MRTFB: variants seen among roughly 807,000 people sequenced by gnomAD.
The protein encoded by MRTFB is myocardin-related transcription factor B.
MRTFB carries 29 observed loss-of-function variants against 104.2 expected under a neutral mutation model. The observed-to-expected ratio is 0.28, with a 90% CI of 0.21 to 0.38. The LOEUF is 0.38. Ranked by LOEUF, MRTFB falls within the 10% of genes least tolerant of loss-of-function variation. The pLI is 1.00. For missense variants in MRTFB, 1,270 were observed against 1,341.6 expected, an observed-to-expected ratio of 0.95 and a Z score of 0.83; for synonymous variants, 535 against 519.5, an observed-to-expected ratio of 1.03 and a Z score of -0.41.
chr16:14,240,708 A>T lies in MRTFB; in HGVS notation c.1079+224A>T, dbSNP rs201821564. Reference sequence around the variant, plus strand: ...CCAAAATAGGTTCTGAATTTTTACAAGTTAGAAATGCCTTTTCACAATTAT... The same window carrying T: ...CCAAAATAGGTTCTGAATTTTTACATGTTAGAAATGCCTTTTCACAATTAT... On this transcript the variant is annotated intron_variant, in intron 10 of 16. Transcript: ENST00000571589. The T allele has an allele frequency of 1.2e-4, 99 of 827,458 alleles. 1 individual carries two copies. Among genetic ancestry groups the T allele is most frequent in the Middle Eastern group, 1.1e-3 (5 of 4,562 alleles). The allele number at this position is 827,458 out of a possible 1,614,324, so 51.3% of individuals were successfully genotyped here. A position where few individuals can be genotyped will look rare whatever the true frequency, so the allele number is the denominator to read the frequency against.
At chr16:14,023,160 T>C in the MRTFB span, among the ~76,000 whole-genome samples, 1 of 152,112 alleles carries the variant, frequency 6.6e-6, no homozygotes, top group Non-Finnish European at 1.5e-5. Context: ...GCTCCAGGAC[T>C]GGGGACAGTG....
chr16:14,167,476 GTTTA>G (rs1365331140), intron 3 of MRTFB, among the ~76,000 whole-genome samples: 1 of 151,866 alleles, frequency 6.6e-6, no homozygotes, highest in African/African-American at 2.4e-5. Flanking sequence ...TCTGATGATA[GTTTA>G]TTTAGTTTAT....
intron 3 of MRTFB, among the ~76,000 whole-genome samples, chr16:14,193,440 C>T (rs1297425935): frequency 6.6e-6 from 1 of 152,140 alleles, no homozygotes; most frequent in East Asian, 1.9e-4. Flanking sequence ...GGCCTGAGCA[C>T]CTGCAGCTCA....
At position 14,127,016 on chromosome 16, in the gene MRTFB, A is replaced by G. The variant is rs905354224; in HGVS notation, c.-63-13528A>G. On this transcript the variant is annotated intron_variant, in intron 2 of 16. Transcript: ENST00000571589. ...ACATATAGTATCTCACTTCATTTGC[A>G]CTCTGCAAGGGATATATTATTTATA... Among the ~76,000 whole-genome samples the G allele has an allele frequency of 3.3e-5, 5 of 152,248 alleles. No homozygotes were observed. The South Asian group carries it at 1.0e-3, about 32-fold the overall frequency.
chr16:14,147,111 C>G (rs1444426076), intron 3 of MRTFB, among the ~76,000 whole-genome samples: 1 of 152,164 alleles, frequency 6.6e-6, no homozygotes, highest in Non-Finnish European at 1.5e-5. Flanking sequence ...TCAAGGACAT[C>G]AATAAACATT....
At chr16:14,085,598 G>A (rs1208397092) in intron 2 of MRTFB, among the ~76,000 whole-genome samples, 1 of 151,750 alleles carries the variant, frequency 6.6e-6, no homozygotes, top group Non-Finnish European at 1.5e-5. Flanking sequence ...GGACCAAGTA[G>A]TACAACTGGT....
At chr16:14,244,100 G>A (rs113369728) in intron 10 of MRTFB, among the ~76,000 whole-genome samples, 5,157 of 152,082 alleles carry the variant, frequency 0.034, 99 homozygotes, top group Middle Eastern at 0.082. Context: ...GGATGGTCTC[G>A]ATCTCCTGAC....
At chr16:14,167,779 C>T (rs2039293354) in intron 3 of MRTFB, among the ~76,000 whole-genome samples, 1 of 152,212 alleles carries the variant, frequency 6.6e-6, no homozygotes, top group Non-Finnish European at 1.5e-5. Context: ...GCAAGCTCCG[C>T]CTCCCAGGTT....
intron 10 of MRTFB, among the ~76,000 whole-genome samples, chr16:14,241,745 C>G (rs1332864106): frequency 6.6e-6 from 1 of 152,054 alleles, no homozygotes; most frequent in East Asian, 1.9e-4. Context: ...GTACTTAAAT[C>G]TAAAACATCA....
intron 3 of MRTFB, among the ~76,000 whole-genome samples, chr16:14,187,977 G>T (rs972660079): frequency 6.6e-6 from 1 of 152,166 alleles, no homozygotes; most frequent in Non-Finnish European, 1.5e-5. Flanking sequence ...GTCTTATAGA[G>T]ACCCAGAGAG....
Position 14,167,490 on chromosome 16 carries a change from T to C in MRTFB, c.154+26730T>C, listed in dbSNP as rs180998066. On this transcript the variant is annotated intron_variant, in intron 3 of 16. Transcript: ENST00000571589. The stretch of plus-strand genomic sequence containing the variant: ...CTCTGATGATAGTTTATTTAGTTTA[T>C]TTTGCTCTTTAGTTTAATTAGATCC... 7.9e-5 allele frequency among the ~76,000 whole-genome samples: 12 copies of C among 152,216 alleles called. No homozygotes were observed. The East Asian group carries it at 2.1e-3, about 27-fold the overall frequency.
At chr16:14,157,574 A>G (rs996447674) in intron 3 of MRTFB, among the ~76,000 whole-genome samples, 1 of 152,174 alleles carries the variant, frequency 6.6e-6, no homozygotes, top group Non-Finnish European at 1.5e-5. Flanking sequence ...CCAGCATGGG[A>G]GTTAGGAGAC....
At chr16:14,005,120 C>T in the MRTFB span, among the ~76,000 whole-genome samples, 1 of 152,246 alleles carries the variant, frequency 6.6e-6, no homozygotes, top group Non-Finnish European at 1.5e-5. Context: ...TGGCACTGCC[C>T]TGTGAGCCTC....
At chr16:14,048,554 A>G in the MRTFB span, among the ~76,000 whole-genome samples, 1 of 152,114 alleles carries the variant, frequency 6.6e-6, no homozygotes, top group South Asian at 2.1e-4. Flanking sequence ...ACCACAGAGG[A>G]AGACACAGGG....
rs1357318473 is a variant in MRTFB, at chr16:14,246,608, T to A, written c.1348T>A (p.Ser450Thr). The A allele has an allele frequency of 1.9e-6, 3 of 1,614,064 alleles. No homozygotes were observed. The highest frequency in any genetic ancestry group is 2.5e-6 in the Non-Finnish European group (3 of 1,179,982). The change falls in exon 12 of 17, where the codon TCA becomes ACA. Residue 450 changes from serine (S) to threonine (T), a missense_variant. Ser to Thr is a moderately conservative substitution (Grantham distance 58). Transcript: ENST00000571589. ...TGCTGCTGGGGGCATCGTGGCAGTG[T>A]CATCATCAGCCATTGTCACCAGTAA... The part of the protein sequence containing the change: ...GLAAGGIVAV[S>T]SSAIVTSNPE...
upstream of MRTFB, among the ~76,000 whole-genome samples, chr16:14,068,524 G>A (rs1484601482): frequency 6.6e-6 from 1 of 152,166 alleles, no homozygotes; most frequent in Non-Finnish European, 1.5e-5. Flanking sequence ...CTGATCTGGG[G>A]TGGAACCAAC....
At chr16:14,165,351 G>A (rs558244820) in intron 3 of MRTFB, among the ~76,000 whole-genome samples, 5 of 152,198 alleles carry the variant, frequency 3.3e-5, no homozygotes, top group African/African-American at 1.2e-4. Flanking sequence ...ATGCTCCTCT[G>A]TGCCCCAGAG....
At chr16:14,234,032 C>T (rs932583966) in intron 8 of MRTFB, 114 bp from the exon 9 acceptor site, 5 of 1,320,166 alleles carry the variant, frequency 3.8e-6, no homozygotes, top group Admixed American at 4.2e-5. Context: ...TATATTTTTC[C>T]TTTGCTTCTT....
intron 9 of MRTFB, among the ~76,000 whole-genome samples, chr16:14,239,036 C>T (rs1372588292): frequency 1.3e-5 from 2 of 152,112 alleles, no homozygotes; most frequent in Non-Finnish European, 1.5e-5. Context: ...TTGGGAGAAA[C>T]AGCACACGTT....
Sources: allele counts gnomAD v4.1 joint callset (sites outside exome capture counted in the v4.1 genomes callset), GRCh38; gene constraint gnomAD v4.1.1; transcripts MANE v1.5; gene names NCBI Gene and HGNC (gene_info 2026-07-23, HGNC 2026-07-21).